The following PCDH15 variants were observed in gnomAD, a reference collection of about 807,000 sequenced individuals.
PCDH15 encodes the protein protocadherin related 15.
In PCDH15, 129 loss-of-function variants were observed where a neutral mutation model predicts 178.5. The ratio of observed to expected loss-of-function variants is 0.72; its 90% CI spans 0.63 to 0.84. The LOEUF (loss-of-function observed/expected upper bound fraction) is 0.84. Ranked by LOEUF, PCDH15 falls within the 40% of genes least tolerant of loss-of-function variation. The pLI is 0.00. For synonymous variants in PCDH15, 800 were observed against 732.0 expected, an observed-to-expected ratio of 1.09 and a Z score of -1.50; for missense variants, 2,230 against 2,099.9, an observed-to-expected ratio of 1.06 and a Z score of -1.21.
At chr10:54,398,112 C>G (rs1189724094) in intron 3 of PCDH15, among the ~76,000 whole-genome samples, 1 of 151,852 alleles carries the variant, frequency 6.6e-6, no homozygotes, top group African/African-American at 2.4e-5. Context: ...AACTATATGA[C>G]TATCAGACTT....
intron 2 of PCDH15, among the ~76,000 whole-genome samples, chr10:54,973,727 G>C (rs533027693): frequency 3.0e-4 from 45 of 152,192 alleles, no homozygotes; most frequent in Non-Finnish European, 4.4e-4. Context: ...CATCATGACA[G>C]TTAAAATTAT....
rs145470049 is a variant in PCDH15 at position 55,522,620 on chromosome 10, A to G, written c.-156+105005T>C. Among the ~76,000 whole-genome samples the G allele has an allele frequency of 9.5e-3, 1,440 of 151,880 alleles. 10 individuals are homozygous for G. Among genetic ancestry groups the G allele is most frequent in the East Asian group, 0.023 (116 of 5,152 alleles). ...TGACTAAAAATCTCTTTAGTTTTAT[A>G]TAAGTATAGCCATGACTGCTCTATT... On this transcript the variant is annotated intron_variant, in intron 2 of 5. Coordinates refer to the PCDH15 transcript ENST00000613346.
chr10:54,010,053 A>C (rs868249702), intron 20 of PCDH15, among the ~76,000 whole-genome samples: 26 of 152,154 alleles, frequency 1.7e-4, no homozygotes, highest in African/African-American at 6.0e-4. Flanking sequence ...GATAAGGCCT[A>C]CTGTCCATTC....
At chr10:55,395,878 T>G (rs957520490) in intron 2 of PCDH15, among the ~76,000 whole-genome samples, 2 of 152,066 alleles carry the variant, frequency 1.3e-5, no homozygotes, top group African/African-American at 4.8e-5. Flanking sequence ...TAAAACAAAC[T>G]TATTATACAA....
At chr10:53,871,538 GT>G (rs2079857541) in intron 26 of PCDH15, among the ~76,000 whole-genome samples, 2 of 149,870 alleles carry the variant, frequency 1.3e-5, no homozygotes, top group African/African-American at 4.9e-5. Context: ...AGTTACCTAA[GT>G]TGTCATAATG....
chr10:55,617,708 A>T, intron 2 of PCDH15, among the ~76,000 whole-genome samples: 1 of 151,992 alleles, frequency 6.6e-6, no homozygotes, highest in East Asian at 1.9e-4. Flanking sequence ...TTTTTATCCT[A>T]ATTATCTGTC....
chr10:53,971,243 C>T (rs2089650015), intron 21 of PCDH15, among the ~76,000 whole-genome samples: 1 of 152,140 alleles, frequency 6.6e-6, no homozygotes, highest in African/African-American at 2.4e-5. Context: ...AACAGCCCTT[C>T]CTGCTAAAAA....
At chr10:55,189,990 T>C (rs1292299251) in intron 1 of PCDH15, among the ~76,000 whole-genome samples, 3 of 151,810 alleles carry the variant, frequency 2.0e-5, no homozygotes, top group Non-Finnish European at 4.4e-5. Flanking sequence ...TGATTCCTGA[T>C]ACATAAAATG....
At chr10:54,712,049 C>T (rs534932936) in intron 1 of PCDH15, among the ~76,000 whole-genome samples, 7 of 151,810 alleles carry the variant, frequency 4.6e-5, no homozygotes, top group East Asian at 1.9e-4. Context: ...AGGTATTTCT[C>T]GTATATACGT....
chr10:55,330,552 C>T (rs185694495), intron 2 of PCDH15, among the ~76,000 whole-genome samples: 3 of 151,868 alleles, frequency 2.0e-5, no homozygotes, highest in Admixed American at 2.0e-4. Flanking sequence ...GTTGTCAAGT[C>T]CTAATACATT....
chr10:55,423,955 T>A (rs1838686700), intron 2 of PCDH15, among the ~76,000 whole-genome samples: 1 of 152,090 alleles, frequency 6.6e-6, no homozygotes, highest in African/African-American at 2.4e-5. Context: ...AAAAGGGCTT[T>A]AGAATCCACA....
At chr10:53,831,640 C>G in intron 29 of PCDH15, 107 bp from the exon 30 acceptor site, 1 of 782,316 alleles carries the variant, frequency 1.3e-6, no homozygotes, top group Non-Finnish European at 2.1e-6. Flanking sequence ...AATTGAAACA[C>G]AAGCTGAGTC....
In PCDH15 at chr10:55,391,892, A is replaced by G. The variant is rs73255784; in HGVS notation, c.-155-225241T>C. ...CTTTCAGCCTATCTTGGCTTTCTACATGTCGTTCTCCTTAACCATTTTTAG... is the reference window on the plus strand; with the variant it reads ...CTTTCAGCCTATCTTGGCTTTCTACGTGTCGTTCTCCTTAACCATTTTTAG... On this transcript the variant is annotated intron_variant, in intron 2 of 5. Transcript: ENST00000613346. Among the ~76,000 whole-genome samples, 817 of 152,300 alleles carry G rather than the reference A, an allele frequency of 5.4e-3. 9 individuals carry two copies. The highest frequency in any genetic ancestry group is 0.018 in the African/African-American group (768 of 41,580).
At chr10:53,827,577 A>T in intron 31 of PCDH15, 29 bp from the exon 32 acceptor site, 1 of 1,613,648 alleles carries the variant, frequency 6.2e-7, no homozygotes, top group Non-Finnish European at 8.5e-7. Flanking sequence ...GGCTTGTAAA[A>T]CTCATTTTAG....
chr10:54,510,902 T>C (rs1038765749), intron 3 of PCDH15, among the ~76,000 whole-genome samples: 5 of 152,144 alleles, frequency 3.3e-5, no homozygotes, highest in African/African-American at 1.2e-4. Flanking sequence ...ACTCATATGA[T>C]ACTAAAGAGG....
At chr10:53,955,032 G>A (rs1361348412) in intron 23 of PCDH15, among the ~76,000 whole-genome samples, 2 of 152,112 alleles carry the variant, frequency 1.3e-5, no homozygotes, top group Non-Finnish European at 2.9e-5. Context: ...AACAACTGAG[G>A]TTGAACTAGG....
At chr10:54,567,216 G>A (rs1208508394) in intron 2 of PCDH15, among the ~76,000 whole-genome samples, 1 of 151,974 alleles carries the variant, frequency 6.6e-6, no homozygotes, top group East Asian at 1.9e-4. Context: ...ACAGATCTTT[G>A]TATATTTTGC....
intron 2 of PCDH15, among the ~76,000 whole-genome samples, chr10:55,527,555 G>A (rs1423077529): frequency 6.6e-6 from 1 of 151,936 alleles, no homozygotes; most frequent in Admixed American, 6.6e-5. Flanking sequence ...GTTTCTAGGT[G>A]TAAGGACTTC....
intron 8 of PCDH15, among the ~76,000 whole-genome samples, chr10:54,291,797 A>G (rs1198665382): frequency 6.6e-6 from 1 of 152,224 alleles, no homozygotes; most frequent in Non-Finnish European, 1.5e-5. Context: ...TGAATAGACC[A>G]ATAACAGGAT....
Sources: allele counts gnomAD v4.1 joint callset (sites outside exome capture counted in the v4.1 genomes callset), GRCh38; gene constraint gnomAD v4.1.1; transcripts MANE v1.5; gene names NCBI Gene and HGNC (gene_info 2026-07-23, HGNC 2026-07-21).